Variants in NUBPL observed in about 807,000 individuals in gnomAD.
The protein encoded by NUBPL is iron-sulfur cluster transfer protein NUBPL.
Under a neutral mutation model 45.7 loss-of-function variants are expected in NUBPL, and 31 were observed. That is an observed-to-expected ratio of 0.68 (90% CI 0.51 to 0.92). NUBPL has a LOEUF of 0.92. Ranked by LOEUF, NUBPL falls within the 40% of genes least tolerant of loss-of-function variation. The pLI is 0.00. For missense variants in NUBPL, 401 were observed against 398.7 expected, an observed-to-expected ratio of 1.01 and a Z score of -0.05; for synonymous variants, 144 against 140.9, an observed-to-expected ratio of 1.02 and a Z score of -0.15.
Position 31,599,444 on chromosome 14 carries a change from A to G in NUBPL, c.382+65A>G, listed in dbSNP as rs1029939949. ...CTTTTATTAATACTTACTGGGTGTC[A>G]GACATTATGCTAGATGCAATGTATA... On this transcript the variant is annotated intron_variant, in intron 4 of 10. Coordinates refer to ENST00000281081, the MANE Select transcript of NUBPL (RefSeq NM_025152.3). The G allele has an allele frequency of 5.5e-6, 6 of 1,099,816 alleles. No individual in the cohort carries two copies. In the African/African-American group the frequency reaches 9.3e-5, roughly 17 times the overall value. The allele number at this position is 1,099,816 out of a possible 1,614,324, so 68.1% of individuals were successfully genotyped here. A position where few individuals can be genotyped will look rare whatever the true frequency, so the allele number is the denominator to read the frequency against.
At chr14:31,614,424 T>C (rs1327310837) in intron 4 of NUBPL, among the ~76,000 whole-genome samples, 1 of 152,184 alleles carries the variant, frequency 6.6e-6, no homozygotes, top group African/African-American at 2.4e-5. Flanking sequence ...TAGGGCTTTT[T>C]TCTTATAAAT....
chr14:31,747,482 A>G (rs930555869), intron 6 of NUBPL, among the ~76,000 whole-genome samples: 1 of 151,802 alleles, frequency 6.6e-6, no homozygotes, highest in Admixed American at 6.6e-5. Flanking sequence ...TATTGATCCC[A>G]TCTTATTACT....
At chr14:31,791,179 G>A (rs928854556) in intron 7 of NUBPL, among the ~76,000 whole-genome samples, 5 of 152,254 alleles carry the variant, frequency 3.3e-5, no homozygotes, top group Admixed American at 2.0e-4. Context: ...TTAGGAGGCC[G>A]AGGCAGGAAG....
intron 6 of NUBPL, among the ~76,000 whole-genome samples, chr14:31,678,494 C>G (rs2036752633): frequency 1.3e-5 from 2 of 152,172 alleles, no homozygotes; most frequent in Non-Finnish European, 2.9e-5. Context: ...CCCAGAGGCC[C>G]TTTATTCAGC....
chr14:31,694,861 G>T, intron 6 of NUBPL, among the ~76,000 whole-genome samples: 1 of 152,214 alleles, frequency 6.6e-6, no homozygotes. Flanking sequence ...CCATTGGTTA[G>T]ATGTTGAGGT....
chr14:31,586,096 T>G (rs1488783422), intron 3 of NUBPL, among the ~76,000 whole-genome samples: 1 of 152,172 alleles, frequency 6.6e-6, no homozygotes. Context: ...GGTCATTCCT[T>G]TGGCCCCTAA....
At position 31,846,486 on chromosome 14, in the gene NUBPL, CA is replaced by C; in HGVS notation, c.713del (p.Asn238ThrfsTer2). 6.2e-7 allele frequency: 1 copy of C among 1,612,024 alleles called. No homozygotes were observed. The highest frequency in any genetic ancestry group is 1.3e-5 in the African/African-American group (1 of 74,950). ...RVHVPVLGLVQNMSVFQCPKC... is the reference protein window; with the variant it reads ...RVHVPVLGLVXNMSVFQCPKC... The stretch of plus-strand genomic sequence containing the variant: ...TTTATTCTAGGTCCTTGGCCTTGTC[CA>C]AAACATGAGTGTTTTCCAGTGTCCA... On this transcript the variant is annotated frameshift_variant, in exon 9 of 11. Transcript: ENST00000281081. LOFTEE classifies it high-confidence loss of function.
At chr14:31,610,486 A>G (rs1029499774) in intron 4 of NUBPL, among the ~76,000 whole-genome samples, 1 of 151,790 alleles carries the variant, frequency 6.6e-6, no homozygotes, top group Non-Finnish European at 1.5e-5. Flanking sequence ...TCTACCAAAT[A>G]TTTAAAGAAC....
chr14:31,810,065 A>G (rs866770643), intron 7 of NUBPL, among the ~76,000 whole-genome samples: 1 of 152,124 alleles, frequency 6.6e-6, no homozygotes, highest in Admixed American at 6.5e-5. Flanking sequence ...AATAAGTGTG[A>G]TGTGGTGCTG....
At chr14:31,605,481 A>C (rs2034560410) in intron 4 of NUBPL, among the ~76,000 whole-genome samples, 1 of 152,176 alleles carries the variant, frequency 6.6e-6, no homozygotes, top group East Asian at 1.9e-4. Flanking sequence ...TTTATTAGTG[A>C]TTTTGAGTAG....
rs543998243 is a variant in NUBPL, at chr14:31,841,907, C to T, written c.694-4564C>T. On this transcript the variant is annotated intron_variant, in intron 8 of 10. Transcript: ENST00000281081. ...AACTTAGTGACTTTCATGTATGGGT[C>T]GATTCTGGGCTTTTTTTTTTTTTTT... 1.3e-4 allele frequency among the ~76,000 whole-genome samples: 10 copies of T among 75,420 alleles called. No homozygotes were observed. In the East Asian group the frequency reaches 2.9e-3, roughly 22 times the overall value. 49.5% of individuals were successfully genotyped at this position (75,420 alleles called of 152,430 possible).
chr14:31,765,143 A>C (rs1399769606), intron 6 of NUBPL, among the ~76,000 whole-genome samples: 3 of 152,230 alleles, frequency 2.0e-5, no homozygotes, highest in African/African-American at 7.2e-5. Flanking sequence ...TATATTCAAA[A>C]AAAAGGTCTG....
intron 4 of NUBPL, among the ~76,000 whole-genome samples, chr14:31,641,271 CTG>C (rs1434402050): frequency 2.6e-5 from 4 of 152,102 alleles, no homozygotes; most frequent in African/African-American, 9.7e-5. Context: ...TTTTATATAA[CTG>C]TGTATTTATT....
At chr14:31,681,308 A>T (rs550479575) in intron 6 of NUBPL, among the ~76,000 whole-genome samples, 3 of 151,654 alleles carry the variant, frequency 2.0e-5, no homozygotes, top group Non-Finnish European at 4.4e-5. Context: ...TGTTTCTTTT[A>T]CTTTAATTGT....
intron 6 of NUBPL, among the ~76,000 whole-genome samples, chr14:31,727,533 C>T (rs1451028490): frequency 6.6e-6 from 1 of 152,064 alleles, no homozygotes; most frequent in Non-Finnish European, 1.5e-5. Context: ...AAGCAGGAGA[C>T]CCAAGGATTT....
intron 8 of NUBPL, among the ~76,000 whole-genome samples, chr14:31,841,761 T>A (rs948225831): frequency 6.6e-6 from 1 of 151,960 alleles, no homozygotes; most frequent in Non-Finnish European, 1.5e-5. Flanking sequence ...TTACCTGTCA[T>A]ATTTAGCTCT....
At chr14:31,825,706 T>C (rs1368573198) in intron 7 of NUBPL, among the ~76,000 whole-genome samples, 2 of 151,180 alleles carry the variant, frequency 1.3e-5, no homozygotes, top group Non-Finnish European at 2.9e-5. Context: ...CTTCTTCATC[T>C]TCCTCTTTTT....
At chr14:31,761,618 A>G (rs1167439531) in intron 6 of NUBPL, among the ~76,000 whole-genome samples, 1 of 152,164 alleles carries the variant, frequency 6.6e-6, no homozygotes, top group Non-Finnish European at 1.5e-5. Flanking sequence ...GATAGTAGTC[A>G]TATAGTTTAG....
rs184095818 is a variant in NUBPL, at chr14:31,688,341, G to T, written c.513+14767G>T. ...GCCTGTAATCCCAGCACTTTGGCAG[G>T]CCGAAGTGGGCAGATCATGAAGTCA... On this transcript the variant is annotated intron_variant, in intron 6 of 10. Transcript: ENST00000281081. Among the ~76,000 whole-genome samples, 54 of 152,176 alleles carry T rather than the reference G, an allele frequency of 3.5e-4. 1 individual carries two copies. In the East Asian group the frequency reaches 7.8e-3, roughly 22 times the overall value.
Sources: gnomAD v4.1 joint callset for allele counts (sites outside exome capture counted in the v4.1 genomes callset) on GRCh38, gnomAD v4.1.1 for gene constraint, MANE v1.5 for transcripts, NCBI Gene and HGNC (gene_info 2026-07-23, HGNC 2026-07-21) for gene names.